The following CYREN variants were observed in gnomAD, a reference collection of about 807,000 sequenced individuals.
CYREN encodes the protein cell cycle regulator of non-homologous end joining.
CYREN carries 7 observed loss-of-function variants against 9.7 expected under a neutral mutation model. The observed-to-expected ratio is 0.72, with a 90% CI of 0.41 to 1.36. CYREN has a LOEUF of 1.36. Among genes scored for constraint, CYREN ranks in the 40% most tolerant of loss-of-function variants. The pLI, the probability that CYREN is intolerant of heterozygous loss-of-function variation, is 0.01. For missense variants in CYREN, 215 were observed against 198.1 expected, an observed-to-expected ratio of 1.09 and a Z score of -0.51; for synonymous variants, 76 against 77.9, an observed-to-expected ratio of 0.98 and a Z score of 0.13.
downstream of CYREN, chr7:135,165,482 T>C (rs1381398514): frequency 1.2e-5 from 2 of 170,322 alleles, no homozygotes; most frequent in Admixed American, 6.3e-5. Context: ...CAGCCCACCA[T>C]AGTGAGTGGG....
chr7:135,137,028 C>T (rs1829361305), intron 2 of CYREN, among the ~76,000 whole-genome samples: 1 of 152,034 alleles, frequency 6.6e-6, no homozygotes, highest in African/African-American at 2.4e-5. Context: ...TCTCTCAGCC[C>T]AGCATCTCCT....
intron 2 of CYREN, among the ~76,000 whole-genome samples, chr7:135,112,324 C>T (rs1585185876): frequency 6.6e-6 from 1 of 152,290 alleles, no homozygotes; most frequent in Middle Eastern, 3.4e-3. Context: ...TTCAATGTCC[C>T]CCTGTTTCAT....
chr7:135,096,783 G>T (rs528097891), intron 2 of CYREN, among the ~76,000 whole-genome samples: 9 of 148,866 alleles, frequency 6.0e-5, no homozygotes, highest in African/African-American at 2.3e-4. Context: ...AAGAAAGAAA[G>T]AAAGAAAGAA....
intron 2 of CYREN, among the ~76,000 whole-genome samples, chr7:135,145,307 C>A (rs4373455): frequency 0.44 from 67,383 of 152,044 alleles, 15,561 homozygotes; most frequent in East Asian, 0.78. Context: ...TCAAAAAATT[C>A]TCTTCAGTGT....
chr7:135,105,811 T>A (rs1824622665), intron 2 of CYREN, among the ~76,000 whole-genome samples: 1 of 152,248 alleles, frequency 6.6e-6, no homozygotes, highest in Non-Finnish European at 1.5e-5. Flanking sequence ...TAGCATTGAA[T>A]CTGTAAATTG....
intron 2 of CYREN, among the ~76,000 whole-genome samples, chr7:135,130,364 C>G (rs1200143083): frequency 6.6e-6 from 1 of 152,102 alleles, no homozygotes; most frequent in Non-Finnish European, 1.5e-5. Context: ...GTATATGCTC[C>G]ACTGGTTTCA....
chr7:135,097,346 C>T (rs1336226982), intron 2 of CYREN, among the ~76,000 whole-genome samples: 1 of 151,912 alleles, frequency 6.6e-6, no homozygotes. Flanking sequence ...AGAAAAAATC[C>T]CCATGGCTTT....
At chr7:135,107,657 T>C (rs1163336965) in intron 2 of CYREN, among the ~76,000 whole-genome samples, 1 of 152,174 alleles carries the variant, frequency 6.6e-6, no homozygotes, top group African/African-American at 2.4e-5. Context: ...TTTTAGAGTA[T>C]GTACCATATG....
downstream of CYREN, chr7:135,164,891 G>C: frequency 6.2e-7 from 1 of 1,614,250 alleles, no homozygotes. Flanking sequence ...CGGGGCCTGG[G>C]TTTCTAGCTC....
intron 1 of CYREN, chr7:135,169,641 G>C (rs1452852318): frequency 6.6e-6 from 1 of 152,248 alleles, no homozygotes; most frequent in Non-Finnish European, 1.5e-5. Flanking sequence ...GCCCACGCCA[G>C]CCTCTGATCT....
At chr7:135,158,918 A>G (rs1183766355) in intron 2 of CYREN, among the ~76,000 whole-genome samples, 1 of 152,140 alleles carries the variant, frequency 6.6e-6, no homozygotes, top group Non-Finnish European at 1.5e-5. Flanking sequence ...TGCATGTGAG[A>G]TTTTGTATTG....
chr7:135,125,211 A>C (rs887501332), intron 2 of CYREN, among the ~76,000 whole-genome samples: 3 of 152,192 alleles, frequency 2.0e-5, no homozygotes, highest in Admixed American at 6.5e-5. Flanking sequence ...TGATAAGGGG[A>C]TATCACCACT....
Position 135,167,827 on chromosome 7 carries a change from G to A in CYREN, c.138-20C>T. 2.5e-6 allele frequency: 4 copies of A among 1,614,096 alleles called. No homozygotes were observed. The highest frequency in any genetic ancestry group is 3.4e-6 in the Non-Finnish European group (4 of 1,180,014). On this transcript the variant is annotated intron_variant, in intron 2 of 3. Coordinates refer to ENST00000393114, the MANE Select transcript of CYREN (RefSeq NM_024033.4). Reference sequence around the variant, plus strand: ...GGGAGTCTGAAAAAAAGACATGCAAGGCACAGATGACACAGACTCTCAAGT... The same window carrying A: ...GGGAGTCTGAAAAAAAGACATGCAAAGCACAGATGACACAGACTCTCAAGT...
At chr7:135,168,611 C>T in intron 2 of CYREN, 175 bp downstream of exon 2, 1 of 999,750 alleles carries the variant, frequency 1.0e-6, no homozygotes, top group South Asian at 1.7e-5. Flanking sequence ...CGAGGGTTAA[C>T]CCGCTTTGCC....
At chr7:135,110,093 C>T (rs1209873405) in intron 2 of CYREN, among the ~76,000 whole-genome samples, 1 of 151,854 alleles carries the variant, frequency 6.6e-6, no homozygotes, top group African/African-American at 2.4e-5. Flanking sequence ...GATAGTGGTT[C>T]ACCCTCCCTC....
chr7:135,128,654 T>C, intron 2 of CYREN: 5 of 1,018,394 alleles, frequency 4.9e-6, no homozygotes, highest in East Asian at 4.8e-5. Context: ...TGCAATTTCT[T>C]AAGGAAGAGA....
chr7:135,138,541 T>C (rs905777374), intron 2 of CYREN, among the ~76,000 whole-genome samples: 3 of 151,916 alleles, frequency 2.0e-5, no homozygotes, highest in Non-Finnish European at 2.9e-5. Context: ...GTAGAATTGA[T>C]ATACTAAAAT....
chr7:135,127,948 G>A (rs1828121352), intron 2 of CYREN, among the ~76,000 whole-genome samples: 1 of 152,112 alleles, frequency 6.6e-6, no homozygotes, highest in African/African-American at 2.4e-5. Flanking sequence ...GTGATAGACT[G>A]GATAAAGAAA....
intron 2 of CYREN, among the ~76,000 whole-genome samples, chr7:135,104,701 A>T (rs1041227833): frequency 2.2e-4 from 33 of 151,242 alleles, no homozygotes; most frequent in Admixed American, 2.0e-3. Flanking sequence ...TTTATTTCAT[A>T]TGCCTTTTGG....
Sources: allele counts gnomAD v4.1 joint callset (sites outside exome capture counted in the v4.1 genomes callset), GRCh38; gene constraint gnomAD v4.1.1; transcripts MANE v1.5; gene names NCBI Gene and HGNC (gene_info 2026-07-23, HGNC 2026-07-21).